RIN3: variants seen among roughly 807,000 people sequenced by gnomAD.
RIN3 encodes the protein Ras and Rab interactor 3, also known as RAB5 interacting protein 3.
In RIN3, 54 loss-of-function variants were observed where a neutral mutation model predicts 76.3. The observed-to-expected ratio is 0.71, with a 90% CI of 0.57 to 0.89. The LOEUF (loss-of-function observed/expected upper bound fraction) is 0.89, where lower values mean the gene tolerates loss of function less well. Among genes scored for constraint, RIN3 ranks in the 40% least tolerant of loss-of-function variants. The pLI is 0.00. For synonymous variants in RIN3, 576 were observed against 564.0 expected, an observed-to-expected ratio of 1.02 and a Z score of -0.30; for missense variants, 1,256 against 1,322.1, an observed-to-expected ratio of 0.95 and a Z score of 0.78.
At chr14:92,533,714 G>A (rs1421154850) in intron 1 of RIN3, among the ~76,000 whole-genome samples, 2 of 152,166 alleles carry the variant, frequency 1.3e-5, no homozygotes, top group African/African-American at 4.8e-5. Context: ...TGGGGACTTA[G>A]GGGAAAGGGT....
intron 7 of RIN3, among the ~76,000 whole-genome samples, chr14:92,665,666 C>A (rs1888069498): frequency 6.6e-6 from 1 of 152,090 alleles, no homozygotes. Flanking sequence ...CAAGCGTGAG[C>A]CACCGCGCCT....
rs116929316 is a variant in RIN3, at chr14:92,651,228, C to A, written c.533-354C>A. Reference sequence around the variant, plus strand: ...TTCCGTCCCCTGTGCTCTCACCATGCCTTCCCCACGGCTCCAGAGCACAGT... The same window carrying A: ...TTCCGTCCCCTGTGCTCTCACCATGACTTCCCCACGGCTCCAGAGCACAGT... On this transcript the variant is annotated intron_variant, in intron 5 of 9. Transcript: ENST00000216487. Among the ~76,000 whole-genome samples, 442 of 152,210 alleles carry A rather than the reference C, an allele frequency of 2.9e-3. 12 individuals carry two copies. The South Asian group carries it at 0.044, about 15-fold the overall frequency.
At chr14:92,532,471 A>G (rs756539460) in intron 1 of RIN3, among the ~76,000 whole-genome samples, 3 of 152,112 alleles carry the variant, frequency 2.0e-5, no homozygotes, top group Non-Finnish European at 4.4e-5. Flanking sequence ...ATCTCATTTT[A>G]GACACTGAAA....
intron 4 of RIN3, among the ~76,000 whole-genome samples, chr14:92,633,434 AGAG>A (rs1886660414): frequency 2.6e-5 from 4 of 152,310 alleles, no homozygotes; most frequent in Admixed American, 2.6e-4. Flanking sequence ...CTCCTGTCCC[AGAG>A]GAGGAGATGG....
chr14:92,679,251 T>A (rs1037639692), intron 8 of RIN3, among the ~76,000 whole-genome samples: 2 of 152,124 alleles, frequency 1.3e-5, no homozygotes, highest in Non-Finnish European at 2.9e-5. Flanking sequence ...TCTGGCCCCA[T>A]AGAGAGGGCA....
In RIN3 at chr14:92,676,612, T is replaced by C. The variant is rs377504149; in HGVS notation, c.2467+6T>C. ...CGCCCTGCAGCTGGGGGAGGGTGAG[T>C]CACCACCCCCTGCCCATCAGGTGCA... On this transcript the variant is annotated splice_donor_region_variant and intron_variant, in intron 8 of 9. Transcript: ENST00000216487. The C allele has an allele frequency of 5.6e-6, 9 of 1,611,016 alleles. No homozygotes were observed. The highest frequency in any genetic ancestry group is 7.6e-6 in the Non-Finnish European group (9 of 1,178,776).
chr14:92,537,823 ATTTAT>A (rs1342369850), intron 1 of RIN3, among the ~76,000 whole-genome samples: 11 of 80,342 alleles, frequency 1.4e-4, no homozygotes, highest in African/African-American at 4.2e-4. Context: ...GGCTAATTTT[ATTTAT>A]TTTATTTTAT....
chr14:92,574,376 CTA>C (rs942423858), intron 2 of RIN3, among the ~76,000 whole-genome samples: 3 of 152,196 alleles, frequency 2.0e-5, no homozygotes, highest in African/African-American at 7.2e-5. Context: ...CTCTACCTGG[CTA>C]TGTTGCCTGC....
intron 4 of RIN3, among the ~76,000 whole-genome samples, chr14:92,625,707 A>C (rs1354574858): frequency 6.6e-6 from 1 of 152,064 alleles, no homozygotes; most frequent in East Asian, 1.9e-4. Flanking sequence ...CTGGTAGCTG[A>C]GGGTCTGGGT....
rs779236886 is a variant in RIN3, at chr14:92,651,656, G to A, written c.607G>A (p.Gly203Arg). The part of the protein sequence containing the change: ...PAEPPRDRAP[G>R]FPLVSSLRPT... Reference sequence around the variant, plus strand: ...AGAGCCCCCAAGAGACCGGGCCCCCGGATTCCCCCTAGTCTCCAGCCTCAG... The same window carrying A: ...AGAGCCCCCAAGAGACCGGGCCCCCAGATTCCCCCTAGTCTCCAGCCTCAG... Residue 203 changes from glycine to arginine, a missense_variant, in exon 6 of 10, where the codon GGA (glycine) becomes AGA (arginine). Around this residue, in one of 3 missense-constraint regions of RIN3, gnomAD observed 610 missense variants for 626.4 expected, o/e 0.97. Coordinates refer to ENST00000216487, the MANE Select transcript of RIN3 (RefSeq NM_024832.5). The A allele has an allele frequency of 1.1e-5, 17 of 1,613,534 alleles. No homozygotes were observed. The highest frequency in any genetic ancestry group is 2.2e-5 in the South Asian group (2 of 91,060).
chr14:92,622,648 C>T (rs771649163), intron 4 of RIN3, among the ~76,000 whole-genome samples: 11 of 152,146 alleles, frequency 7.2e-5, no homozygotes, highest in South Asian at 4.1e-4. Context: ...GGGGTCAGAC[C>T]GCACAATCTA....
At chr14:92,521,221 G>A (rs949560038) in intron 1 of RIN3, among the ~76,000 whole-genome samples, 2 of 150,308 alleles carry the variant, frequency 1.3e-5, no homozygotes, top group African/African-American at 2.5e-5. Context: ...ACCCTCCCAC[G>A]CTTCTATCCA....
chr14:92,633,792 C>G (rs1886672214), intron 4 of RIN3, among the ~76,000 whole-genome samples: 1 of 151,920 alleles, frequency 6.6e-6, no homozygotes, highest in Non-Finnish European at 1.5e-5. Context: ...GTAAACTGGA[C>G]TAGAAACTAT....
chr14:92,614,820 T>TAA (rs1291685487), intron 3 of RIN3, among the ~76,000 whole-genome samples: 4 of 143,176 alleles, frequency 2.8e-5, no homozygotes, highest in Non-Finnish European at 3.0e-5. Context: ...TATATATATA[T>TAA]AAATTATCCA....
At chr14:92,565,026 C>A (rs1897879992) in intron 2 of RIN3, among the ~76,000 whole-genome samples, 4 of 152,216 alleles carry the variant, frequency 2.6e-5, no homozygotes, top group African/African-American at 7.2e-5. Context: ...CCCAGGCAGC[C>A]CCCTGTGAGT....
intron 1 of RIN3, among the ~76,000 whole-genome samples, chr14:92,517,498 T>C (rs1243078760): frequency 6.6e-6 from 1 of 152,130 alleles, no homozygotes; most frequent in Admixed American, 6.5e-5. Context: ...CCAAGGCCCC[T>C]TAACTTCCTG....
chr14:92,670,360 C>T (rs1888248042), intron 7 of RIN3, among the ~76,000 whole-genome samples: 1 of 152,210 alleles, frequency 6.6e-6, no homozygotes, highest in African/African-American at 2.4e-5. Context: ...TTTGAATGCA[C>T]AGCCAAATGG....
At chr14:92,544,882 G>T (rs74072947) in intron 1 of RIN3, among the ~76,000 whole-genome samples, 1 of 151,824 alleles carries the variant, frequency 6.6e-6, no homozygotes, top group Non-Finnish European at 1.5e-5. Context: ...AACCTCCTTC[G>T]CACCCCTCCC....
intron 7 of RIN3, among the ~76,000 whole-genome samples, chr14:92,668,062 A>G (rs761492852): frequency 1.3e-5 from 2 of 152,202 alleles, no homozygotes; most frequent in Non-Finnish European, 2.9e-5. Flanking sequence ...AGTCCATGCT[A>G]ATCACCTTCC....
Sources: gnomAD v4.1 joint callset for allele counts (sites outside exome capture counted in the v4.1 genomes callset) on GRCh38, gnomAD v4.1.1 for gene constraint, gnomAD v4.1.1 regional missense constraint, MANE v1.5 for transcripts, NCBI Gene and HGNC (gene_info 2026-07-23, HGNC 2026-07-21) for gene names.